Variants in MAMSTR observed in about 807,000 individuals in gnomAD.
MAMSTR encodes the protein MEF2-activating motif and SAP domain-containing transcriptional regulator.
MAMSTR carries 41 observed loss-of-function variants against 42.7 expected under a neutral mutation model. The observed-to-expected ratio is 0.96, with a 90% CI of 0.75 to 1.25. The LOEUF (loss-of-function observed/expected upper bound fraction) is 1.25. MAMSTR is among the 50% of genes most tolerant of loss of function. MAMSTR has a pLI of 0.00. For missense variants in MAMSTR, 567 were observed against 557.6 expected, an observed-to-expected ratio of 1.02 and a Z score of -0.17; for synonymous variants, 265 against 244.1, an observed-to-expected ratio of 1.09 and a Z score of -0.80.
intron 2 of MAMSTR, among the ~76,000 whole-genome samples, chr19:48,717,975 G>A (rs2033109428): frequency 6.6e-6 from 1 of 152,172 alleles, no homozygotes; most frequent in Non-Finnish European, 1.5e-5. Flanking sequence ...AAAGTGCTAG[G>A]ACTACAGGCA....
intron 6 of MAMSTR, 119 bp from the exon 7 acceptor site, chr19:48,714,679 A>G (rs1389488917): frequency 1.6e-6 from 2 of 1,253,238 alleles, no homozygotes; most frequent in African/African-American, 3.0e-5. Flanking sequence ...GACTCCTGGG[A>G]CCCTAAAACA....
At chr19:48,705,826 G>C in the MAMSTR span, 1 of 166,322 alleles carries the variant, frequency 6.0e-6, no homozygotes, top group South Asian at 2.1e-4. Flanking sequence ...CCAGGAGTTA[G>C]GGAATATAGT....
intron 5 of MAMSTR, 46 bp downstream of exon 5, chr19:48,715,216 G>T: frequency 6.6e-7 from 1 of 1,516,342 alleles, no homozygotes; most frequent in Non-Finnish European, 9.0e-7. Flanking sequence ...GAGGATGCTG[G>T]GACCTGAATT....
the MAMSTR span, among the ~76,000 whole-genome samples, chr19:48,706,622 A>G: frequency 3.3e-5 from 5 of 152,048 alleles, no homozygotes; most frequent in Non-Finnish European, 7.4e-5. Flanking sequence ...GGGCAACAAG[A>G]GCGAAACTTG....
intron 2 of MAMSTR, among the ~76,000 whole-genome samples, chr19:48,718,134 C>T (rs967878830): frequency 6.6e-6 from 1 of 152,228 alleles, no homozygotes; most frequent in Non-Finnish European, 1.5e-5. Flanking sequence ...AGAGCCACCG[C>T]GCCCCACCTG....
At position 48,719,136 on chromosome 19, in the gene MAMSTR, C is replaced by T; in HGVS notation, c.-21-84G>A. The T allele has an allele frequency of 1.0e-6, 1 of 959,442 alleles. No homozygotes were observed. The allele number at this position is 959,442 out of a possible 1,614,324, so 59.4% of individuals were successfully genotyped here. A position where few individuals can be genotyped will look rare whatever the true frequency, so the allele number is the denominator to read the frequency against. On this transcript the variant is annotated intron_variant, in intron 1 of 9. Transcript: ENST00000318083. The surrounding 1 kb of genome is among the most constrained non-coding windows in gnomAD (Gnocchi z 4.4). ...AGGAGGCCGCCCCTGAGAGTGAATT[C>T]AGCAGGGAAAGGGCCCGAAGGAGGT...
At chr19:48,711,134 C>T (rs577856694), downstream of MAMSTR, among the ~76,000 whole-genome samples, 1 of 152,300 alleles carries the variant, frequency 6.6e-6, no homozygotes, top group African/African-American at 2.4e-5. Flanking sequence ...GCCTGACTTG[C>T]ATTAATTATA....
At position 48,714,898 on chromosome 19, in the gene MAMSTR, A is replaced by T. The variant is rs144156512; in HGVS notation, c.436T>A (p.Ser146Thr). Reference protein sequence around the residue: ...SQQPHPRMKPSPLTPCPPGVP... With the variant: ...SQQPHPRMKPTPLTPCPPGVP... ...CCTGGTGGGCAGGGAGTGAGGGGAG[A>T]GGGCTTCATCCTGGTGATAATCGTG... Residue 146 changes from serine (S) to threonine (T), a missense_variant, in exon 6 of 10, where the codon TCT (serine) becomes ACT (threonine). By Grantham distance (58) the Ser-to-Thr change is moderately conservative. Transcript: ENST00000318083. The T allele has an allele frequency of 1.9e-6, 3 of 1,603,740 alleles. No homozygotes were observed. Among genetic ancestry groups the T allele is most frequent in the Non-Finnish European group, 2.6e-6 (3 of 1,172,796 alleles).
At position 48,712,814 on chromosome 19, in the gene MAMSTR, C is replaced by G. The variant is rs985887962; in HGVS notation, c.*453G>C. On this transcript the variant is annotated 3_prime_UTR_variant, in exon 10 of 10. Coordinates refer to ENST00000318083, the MANE Select transcript of MAMSTR (RefSeq NM_001130915.2). ...AGAGAAGCTGATCTTAGACCTGATG[C>G]TTCTAATTTTTTCATCTCCAACCAG... 1 of 156,256 alleles carries G rather than the reference C, an allele frequency of 6.4e-6. No homozygotes were observed. The allele number at this position is 156,256 out of a possible 1,614,324, so 9.7% of individuals were successfully genotyped here. A position where few individuals can be genotyped will look rare whatever the true frequency, so the allele number is the denominator to read the frequency against.
intron 5 of MAMSTR, 108 bp downstream of exon 5, chr19:48,715,154 G>T: frequency 1.1e-6 from 1 of 951,886 alleles, no homozygotes; most frequent in Non-Finnish European, 1.6e-6. Context: ...CCTGGGAGAA[G>T]AGAGGGTTGG....
At chr19:48,716,951 G>A (rs1241847634) in intron 2 of MAMSTR, 1 of 1,183,906 alleles carries the variant, frequency 8.4e-7, no homozygotes. Context: ...GCGGGCCAGC[G>A]CCATTCTGGG....
rs1313983848 is a variant in MAMSTR at position 48,719,020 on chromosome 19, C to T, written c.12G>A (p.Ala4=). The part of the protein sequence containing the change: MTL[A]ASSQRSQIIR... The stretch of plus-strand genomic sequence containing the variant: ...TGATTTGGGAACGCTGGGAGGAAGC[C>T]GCCAGGGTCATTGCCAAGGCCGGGA... The change falls in exon 2 of 10, where the codon GCG becomes GCA. Residue 4 remains alanine, a synonymous_variant. Transcript: ENST00000318083. The surrounding 1 kb of genome is among the most constrained non-coding windows in gnomAD (Gnocchi z 4.4). 5 of 1,551,160 alleles carry T rather than the reference C, an allele frequency of 3.2e-6. No homozygotes were observed. The highest frequency in any genetic ancestry group is 3.5e-6 in the Non-Finnish European group (4 of 1,146,896).
Position 48,714,421 on chromosome 19 carries a change from G to T in MAMSTR, c.668C>A (p.Ala223Asp). 2 of 1,390,718 alleles carry T rather than the reference G, an allele frequency of 1.4e-6. No individual in the cohort carries two copies. Among genetic ancestry groups the T allele is most frequent in the Non-Finnish European group, 1.8e-6 (2 of 1,082,966 alleles). The allele number at this position is 1,390,718 out of a possible 1,614,324, so 86.1% of individuals were successfully genotyped here. Reference protein sequence around the residue: ...KPRREDSPAGAPWPRLKPKAL... With the variant: ...KPRREDSPAGDPWPRLKPKAL... ...CTTGGGCTTGAGGCGCGGCCAGGGAGCACCCGCGGGACTGTCCTCGCGCCG... is the reference window on the plus strand; with the variant it reads ...CTTGGGCTTGAGGCGCGGCCAGGGATCACCCGCGGGACTGTCCTCGCGCCG... The change falls in exon 7 of 10, where the codon GCT becomes GAT. Residue 223 changes from alanine to aspartate, a missense_variant. Coordinates refer to ENST00000318083, the MANE Select transcript of MAMSTR (RefSeq NM_001130915.2).
In MAMSTR at chr19:48,713,188, G is replaced by T; in HGVS notation, c.*79C>A. 1 of 1,364,638 alleles carries T rather than the reference G, an allele frequency of 7.3e-7. No individual in the cohort carries two copies. 84.5% of individuals were successfully genotyped at this position (1,364,638 alleles called of 1,614,324 possible). A position where few individuals can be genotyped will look rare whatever the true frequency, so the allele number is the denominator to read the frequency against. On this transcript the variant is annotated 3_prime_UTR_variant, in exon 10 of 10. Transcript: ENST00000318083. Reference sequence around the variant, plus strand: ...CTGTGTCTGCGGTAGGAGGGGCTCTGCTGGTAGTTCCCTCTCCTCCCACAA... The same window carrying T: ...CTGTGTCTGCGGTAGGAGGGGCTCTTCTGGTAGTTCCCTCTCCTCCCACAA...
chr19:48,717,349 CTG>C (rs1233666933), intron 2 of MAMSTR, among the ~76,000 whole-genome samples: 10 of 151,852 alleles, frequency 6.6e-5, no homozygotes, highest in Non-Finnish European at 1.3e-4. Context: ...AGGTCTCACT[CTG>C]TAACCCAGGC....
At chr19:48,707,879 GAAAGAAAGA>G (rs2032673276), downstream of MAMSTR, among the ~76,000 whole-genome samples, 3 of 109,478 alleles carry the variant, frequency 2.7e-5, no homozygotes, top group African/African-American at 7.8e-5. Flanking sequence ...AAGAAAGAAA[GAAAGAAAGA>G]AAAGAAAGAA....
chr19:48,708,870 G>A (rs1452824886), downstream of MAMSTR, among the ~76,000 whole-genome samples: 5 of 152,096 alleles, frequency 3.3e-5, no homozygotes, highest in Admixed American at 2.0e-4. Context: ...CAGAGATAGG[G>A]AGGAGAGAAC....
downstream of MAMSTR, among the ~76,000 whole-genome samples, chr19:48,711,214 G>A (rs116589492): frequency 2.6e-5 from 4 of 152,182 alleles, no homozygotes; most frequent in Non-Finnish European, 4.4e-5. Flanking sequence ...TTCTGCTCCT[G>A]GCTCTTGGAA....
At position 48,714,380 on chromosome 19, in the gene MAMSTR, G is replaced by T. The variant is rs999932656; in HGVS notation, c.709C>A (p.Arg237=). 7.3e-7 allele frequency: 1 copy of T among 1,365,010 alleles called. No individual in the cohort carries two copies. 84.6% of individuals were successfully genotyped at this position (1,365,010 alleles called of 1,614,324 possible). A position where few individuals can be genotyped will look rare whatever the true frequency, so the allele number is the denominator to read the frequency against. ...RLKPKALAAA[R]RQGSVKPSAA... ...CCCGCCCTCACCGAGCCCTGACGCC[G>T]GGCGGCTGCCAGGGCCTTGGGCTTG... The change falls in exon 7 of 10, where the codon CGG becomes AGG. Residue 237 remains arginine, a synonymous_variant. Coordinates refer to ENST00000318083, the MANE Select transcript of MAMSTR (RefSeq NM_001130915.2).
Sources: gnomAD v4.1 joint callset for allele counts (sites outside exome capture counted in the v4.1 genomes callset) on GRCh38, gnomAD v4.1.1 for gene constraint, Gnocchi (gnomAD v3.1) non-coding constraint, MANE v1.5 for transcripts, NCBI Gene and HGNC (gene_info 2026-07-23, HGNC 2026-07-21) for gene names.